Variants in IRAK2 observed in about 807,000 individuals in gnomAD.
IRAK2 encodes the protein interleukin 1 receptor associated kinase 2.
A neutral mutation model predicts 72.0 loss-of-function variants in IRAK2; 57 were observed. The observed-to-expected ratio is 0.79, with a 90% CI of 0.64 to 0.99. The LOEUF (loss-of-function observed/expected upper bound fraction) is 0.99. Among genes scored for constraint, IRAK2 ranks in the 50% least tolerant of loss-of-function variants. IRAK2 has a pLI of 0.00. For missense variants in IRAK2, 790 were observed against 794.4 expected (o/e 0.99, Z 0.07); for synonymous variants, 293 against 312.7 (o/e 0.94, Z 0.67).
At chr3:10,241,105 G>A (rs1698052714) in intron 12 of IRAK2, among the ~76,000 whole-genome samples, 1 of 151,696 alleles carries the variant, frequency 6.6e-6, no homozygotes. Context: ...TGCAAAGACA[G>A]AGGAGATGAA....
At chr3:10,207,630 G>A (rs2543461) in intron 3 of IRAK2, among the ~76,000 whole-genome samples, 10 of 152,032 alleles carry the variant, frequency 6.6e-5, no homozygotes, top group Admixed American at 1.3e-4. Flanking sequence ...TTAACCTCAC[G>A]TTTAAGTGAC....
intron 10 of IRAK2, among the ~76,000 whole-genome samples, chr3:10,230,863 CT>C (rs1697849122): frequency 6.6e-6 from 1 of 152,180 alleles, no homozygotes. Context: ...ATTGATTCTC[CT>C]GCCTCAGTCT....
intron 3 of IRAK2, among the ~76,000 whole-genome samples, chr3:10,205,178 A>C (rs1697416504): frequency 6.6e-6 from 1 of 152,100 alleles, no homozygotes; most frequent in African/African-American, 2.4e-5. Flanking sequence ...ATTCCTTCTC[A>C]TTCTCCTCTC....
chr3:10,209,534 CCCTCCTGTCTT>C, intron 3 of IRAK2, 44 bp from the exon 4 acceptor site: 1 of 1,155,856 alleles, frequency 8.7e-7, no homozygotes, highest in Non-Finnish European at 1.2e-6. Context: ...AGACCAGGAT[CCCTCCTGTCTT>C]CCTCCCCGAG....
At position 10,238,855 on chromosome 3, in the gene IRAK2, G is replaced by A. The variant is rs143243844; in HGVS notation, c.1581G>A (p.Glu527=). The part of the protein sequence containing the change: ...EGTGSSSNTP[E]ETDDVDNSSL... ...CAGGCTCTTCTTCCAACACCCCAGA[G>A]GAAACAGACGACGTTGACAATTCCA... is the stretch of plus-strand genomic sequence containing the variant. The change falls in exon 12 of 13, where the codon GAG becomes GAA. Residue 527 remains glutamate (E), a synonymous_variant. Coordinates refer to ENST00000256458, the MANE Select transcript of IRAK2 (RefSeq NM_001570.4). 251 of 1,614,124 alleles carry A rather than the reference G, an allele frequency of 1.6e-4. No individual in the cohort carries two copies. The African/African-American group carries it at 2.4e-3, about 15-fold the overall frequency.
intron 11 of IRAK2, among the ~76,000 whole-genome samples, chr3:10,235,559 G>A (rs555681717): frequency 6.6e-6 from 1 of 152,264 alleles, no homozygotes; most frequent in South Asian, 2.1e-4. Flanking sequence ...GGCACAGAGG[G>A]GCTCCTTGAG....
chr3:10,184,481 G>A (rs1051193972), intron 2 of IRAK2, among the ~76,000 whole-genome samples: 1 of 152,120 alleles, frequency 6.6e-6, no homozygotes, highest in Non-Finnish European at 1.5e-5. Context: ...ATGTGTGGGT[G>A]ATGTGTAGCC....
chr3:10,165,619 C>T (rs533871747), intron 1 of IRAK2, among the ~76,000 whole-genome samples: 1 of 152,104 alleles, frequency 6.6e-6, no homozygotes, highest in Admixed American at 6.6e-5. Context: ...CCTCGGCCTC[C>T]CGAGTAGCTG....
At chr3:10,211,298 C>T (rs144901625) in intron 4 of IRAK2, among the ~76,000 whole-genome samples, 6,612 of 151,718 alleles carry the variant, frequency 0.044, 295 homozygotes, top group African/African-American at 0.11. Context: ...TGTGCCACCA[C>T]GCCTGGCTAA....
intron 7 of IRAK2, among the ~76,000 whole-genome samples, chr3:10,219,014 A>G (rs1022271957): frequency 1.4e-4 from 22 of 152,178 alleles, no homozygotes; most frequent in Admixed American, 2.6e-4. Context: ...CCTGGCCAAC[A>G]TGGCAAAACC....
chr3:10,223,168 C>A (rs533691653), intron 9 of IRAK2, among the ~76,000 whole-genome samples: 1 of 152,284 alleles, frequency 6.6e-6, no homozygotes, highest in Non-Finnish European at 1.5e-5. Context: ...TCATGAGTGT[C>A]CAGGTTCTAG....
chr3:10,237,659 T>G (rs1218419552), intron 11 of IRAK2, among the ~76,000 whole-genome samples: 3 of 151,594 alleles, frequency 2.0e-5, no homozygotes, highest in Non-Finnish European at 4.4e-5. Flanking sequence ...TACAAAAAAT[T>G]AGCCAGGCGC....
At chr3:10,228,651 T>G (rs1220657101) in intron 10 of IRAK2, among the ~76,000 whole-genome samples, 2 of 152,228 alleles carry the variant, frequency 1.3e-5, no homozygotes, top group African/African-American at 2.4e-5. Flanking sequence ...TAGACTCTTG[T>G]ATGGTCTCTT....
chr3:10,190,279 C>CTTTTTTTTTT (rs555169553), intron 2 of IRAK2, among the ~76,000 whole-genome samples: 1 of 114,788 alleles, frequency 8.7e-6, no homozygotes, highest in African/African-American at 3.7e-5. Flanking sequence ...TTCTTTGTTT[C>CTTTTTTTTTT]TTTTTTTTTT....
intron 3 of IRAK2, among the ~76,000 whole-genome samples, chr3:10,202,300 G>T (rs1203702998): frequency 3.3e-5 from 5 of 152,184 alleles, no homozygotes; most frequent in African/African-American, 9.7e-5. Flanking sequence ...GTTCCTTCTG[G>T]TATTCTTTAT....
intron 2 of IRAK2, among the ~76,000 whole-genome samples, chr3:10,192,023 AGTGTGTGTGTGTGTGT>A (rs56802078): frequency 1.5e-5 from 2 of 135,710 alleles, no homozygotes; most frequent in African/African-American, 2.7e-5. Context: ...TTGAGTTGGG[AGTGTGTGTGTGTGTGT>A]GTGTGTGTGT....
At chr3:10,229,012 C>T (rs1408527247) in intron 10 of IRAK2, among the ~76,000 whole-genome samples, 1 of 151,572 alleles carries the variant, frequency 6.6e-6, no homozygotes, top group Non-Finnish European at 1.5e-5. Flanking sequence ...TGGCTCACTG[C>T]AACCTCCACC....
chr3:10,238,421 C>T lies in IRAK2; in HGVS notation c.1474-327C>T, dbSNP rs569091926. On this transcript the variant is annotated intron_variant, in intron 11 of 12. Coordinates refer to ENST00000256458, the MANE Select transcript of IRAK2 (RefSeq NM_001570.4). ...GAGAGGAAAGGCTGGAGGTCTTTCCCCAATAAGCTCTAGGTGGAAAAGTTT... is the reference window on the plus strand; with the variant it reads ...GAGAGGAAAGGCTGGAGGTCTTTCCTCAATAAGCTCTAGGTGGAAAAGTTT... Among the ~76,000 whole-genome samples, 6 of 152,202 alleles carry T rather than the reference C, an allele frequency of 3.9e-5. No homozygotes were observed. The East Asian group carries it at 1.2e-3, about 29-fold the overall frequency.
intron 1 of IRAK2, among the ~76,000 whole-genome samples, chr3:10,169,771 G>A (rs1696766728): frequency 6.6e-6 from 1 of 152,146 alleles, no homozygotes; most frequent in South Asian, 2.1e-4. Context: ...GTCCTGAGGT[G>A]ACATACATCC....
Sources: gnomAD v4.1 joint callset for allele counts (sites outside exome capture counted in the v4.1 genomes callset) on GRCh38, gnomAD v4.1.1 for gene constraint, MANE v1.5 for transcripts, NCBI Gene and HGNC (gene_info 2026-07-23, HGNC 2026-07-21) for gene names.